Variants in ATXN7L2 observed in about 807,000 individuals in gnomAD.
ATXN7L2 encodes ataxin 7 like 2.
ATXN7L2 carries 17 observed loss-of-function variants against 59.6 expected under a neutral mutation model. The ratio of observed to expected loss-of-function variants is 0.29; its 90% confidence interval spans 0.20 to 0.43. The LOEUF is 0.43. Among genes scored for constraint, ATXN7L2 ranks in the 20% least tolerant of loss-of-function variants. The pLI is 1.00. For synonymous variants in ATXN7L2, 378 were observed against 392.5 expected, an observed-to-expected ratio of 0.96 and a Z score of 0.44; for missense variants, 858 against 1,008.9, an observed-to-expected ratio of 0.85 and a Z score of 2.03.
Position 109,491,935 on chromosome 1 carries a change from T to C in ATXN7L2, c.2250+218T>C, listed in dbSNP as rs1657113160. Reference sequence around the variant, plus strand: ...CTTCCCCTATCCCTAACCCTTTCCCTTGGGCTGAGGAGATGCGGCACCCCT... The same window carrying C: ...CTTCCCCTATCCCTAACCCTTTCCCCTGGGCTGAGGAGATGCGGCACCCCT... On this transcript the variant is annotated intron_variant, in intron 10 of 10. Coordinates refer to ENST00000683729, the MANE Select transcript of ATXN7L2 (RefSeq NM_001350175.2). The surrounding 1 kb of genome is among the most constrained non-coding windows in gnomAD (Gnocchi z 4.1). 6 of 1,232,882 alleles carry C rather than the reference T, an allele frequency of 4.9e-6. No homozygotes were observed. The highest frequency in any genetic ancestry group is 4.0e-4 in the Middle Eastern group (2 of 5,060). 76.4% of individuals were successfully genotyped at this position (1,232,882 alleles called of 1,614,324 possible). A position where few individuals can be genotyped will look rare whatever the true frequency, so the allele number is the denominator to read the frequency against.
intron 7 of ATXN7L2, chr1:109,489,325 A>G (rs921251225): frequency 1.7e-6 from 1 of 591,778 alleles, no homozygotes; most frequent in Non-Finnish European, 2.9e-6. Context: ...TGCCAGATCC[A>G]ACACTCAGGA....
chr1:109,485,791 G>C (rs1371170944), intron 1 of ATXN7L2: 22 of 1,145,580 alleles, frequency 1.9e-5, no homozygotes, highest in Admixed American at 4.7e-5. Context: ...ATTCTTCTTA[G>C]TGGGGCCATC....
chr1:109,487,135 A>G lies in ATXN7L2; in HGVS notation c.427A>G (p.Lys143Glu). 6.2e-7 allele frequency: 1 copy of G among 1,610,120 alleles called. No individual in the cohort carries two copies. The highest frequency in any genetic ancestry group is 8.5e-7 in the Non-Finnish European group (1 of 1,178,214). The change falls in exon 4 of 11, where the codon AAA (lysine) becomes GAA (glutamate). Residue 143 changes from lysine (K) to glutamate (E), a missense_variant. Lys to Glu is a moderately conservative substitution (Grantham distance 56). This residue lies in a region of ATXN7L2 where 734 missense variants were observed against 862.3 expected (regional missense o/e 0.85). Transcript: ENST00000683729. The stretch of plus-strand genomic sequence containing the variant: ...AGCTTGTAGGGCCCCAGGTTCCACG[A>G]AAACCTCCTCCAGGGAGAAGGGCCA... ...GPACRAPGSTKTSSREKGQGS... is the reference protein window; with the variant it reads ...GPACRAPGSTETSSREKGQGS...
chr1:109,491,596 A>C lies in ATXN7L2; in HGVS notation c.2129A>C (p.Tyr710Ser). Residue 710 changes from tyrosine (Y) to serine (S), a missense_variant, in exon 10 of 11, where the codon TAT (tyrosine) becomes TCT (serine). By Grantham distance (144) the Tyr-to-Ser change is moderately radical. Coordinates refer to ENST00000683729, the MANE Select transcript of ATXN7L2 (RefSeq NM_001350175.2). This position sits in a 1 kb window ranked among gnomAD's most constrained non-coding sequence, Gnocchi z 4.1. ...VAKKRKNLATYCRPVKAKHCQ... is the reference protein window; with the variant it reads ...VAKKRKNLATSCRPVKAKHCQ... Reference sequence around the variant, plus strand: ...AAGAAGCGGAAAAACCTGGCCACTTATTGCCGGCCAGTGAAGGCCAAGCAC... The same window carrying C: ...AAGAAGCGGAAAAACCTGGCCACTTCTTGCCGGCCAGTGAAGGCCAAGCAC... The C allele has an allele frequency of 6.2e-7, 1 of 1,613,790 alleles. No individual in the cohort carries two copies. Among genetic ancestry groups the C allele is most frequent in the South Asian group, 1.1e-5 (1 of 91,078 alleles).
Position 109,492,000 on chromosome 1 carries a change from C to T in ATXN7L2, c.2250+283C>T, listed in dbSNP as rs1046833874. 6.6e-6 allele frequency: 8 copies of T among 1,210,692 alleles called. No individual in the cohort carries two copies. Among genetic ancestry groups the T allele is most frequent in the Admixed American group, 4.0e-5 (1 of 25,214 alleles). 75.0% of individuals were successfully genotyped at this position (1,210,692 alleles called of 1,614,324 possible). ...GCTATAATCAAAGGGCTACTTCTTT[C>T]TGAATTGGCTGTGACCCTCATTCCA... On this transcript the variant is annotated intron_variant, in intron 10 of 10. Transcript: ENST00000683729. This position sits in a 1 kb window ranked among gnomAD's most constrained non-coding sequence, Gnocchi z 4.1.
intron 7 of ATXN7L2, 161 bp from the exon 8 acceptor site, chr1:109,489,769 T>A (rs894192983): frequency 5.5e-6 from 4 of 723,156 alleles, no homozygotes; most frequent in Non-Finnish European, 9.4e-6. Context: ...CTGTGAGCTG[T>A]GTCGTTCCCT....
In ATXN7L2 at chr1:109,491,161, C is replaced by T. The variant is rs775596757; in HGVS notation, c.1694C>T (p.Thr565Ile). The change falls in exon 10 of 11, where the codon ACC (threonine) becomes ATC (isoleucine). Residue 565 changes from threonine to isoleucine, a missense_variant. Physicochemically the swap from Thr to Ile is moderately conservative, Grantham distance 89. This residue lies in a region of ATXN7L2 where 734 missense variants were observed against 862.3 expected (regional missense o/e 0.85). Transcript: ENST00000683729. The surrounding 1 kb of genome is among the most constrained non-coding windows in gnomAD (Gnocchi z 4.1). ...AECMGGSQAI[T>I]SPLPANTPSP... ...TGCATGGGCGGGAGCCAGGCTATCA[C>T]CTCACCACTGCCTGCCAACACGCCA... The T allele has an allele frequency of 6.2e-7, 1 of 1,613,742 alleles. No individual in the cohort carries two copies. The highest frequency in any genetic ancestry group is 8.5e-7 in the Non-Finnish European group (1 of 1,179,962).
intron 1 of ATXN7L2, 26 bp downstream of exon 1, chr1:109,484,106 G>A: frequency 1.3e-6 from 2 of 1,481,662 alleles, no homozygotes; most frequent in East Asian, 2.7e-5. Flanking sequence ...CTAAAGTCCG[G>A]GGACCCCATC....
chr1:109,491,671 A>G lies in ATXN7L2; in HGVS notation c.2204A>G (p.Lys735Arg), dbSNP rs1356407278. 1.2e-6 allele frequency: 2 copies of G among 1,610,340 alleles called. No individual in the cohort carries two copies. Among genetic ancestry groups the G allele is most frequent in the East Asian group, 4.5e-5 (2 of 44,780 alleles). ...ADVACSVRRK[K>R]PGPALAFEEK... ...GTGGCCTGCTCTGTGCGCCGCAAGAAGCCAGGCCCGGCCCTGGCCTTTGAG... is the reference window on the plus strand; with the variant it reads ...GTGGCCTGCTCTGTGCGCCGCAAGAGGCCAGGCCCGGCCCTGGCCTTTGAG... Residue 735 changes from lysine (K) to arginine (R), a missense_variant, in exon 10 of 11, where the codon AAG becomes AGG. By Grantham distance (26) the Lys-to-Arg change is conservative. This residue lies in a region of ATXN7L2 where 734 missense variants were observed against 862.3 expected (regional missense o/e 0.85). Transcript: ENST00000683729. This position sits in a 1 kb window ranked among gnomAD's most constrained non-coding sequence, Gnocchi z 4.1.
In ATXN7L2 at chr1:109,492,705, T is replaced by A. The variant is rs1657198124; in HGVS notation, c.*105T>A. ...TTTATAACTTTATATTATTTTTTTT[T>A]AAGAAAAAAAGCTCTTTAAAATACC... On this transcript the variant is annotated 3_prime_UTR_variant, in exon 11 of 11. Coordinates refer to ENST00000683729, the MANE Select transcript of ATXN7L2 (RefSeq NM_001350175.2). 3.9e-6 allele frequency: 5 copies of A among 1,284,796 alleles called. No homozygotes were observed. Among genetic ancestry groups the A allele is most frequent in the South Asian group, 1.4e-5 (1 of 71,714 alleles). 79.6% of individuals were successfully genotyped at this position (1,284,796 alleles called of 1,614,324 possible).
chr1:109,486,548 A>C lies in ATXN7L2; in HGVS notation c.236A>C (p.Tyr79Ser). Residue 79 changes from tyrosine (Y) to serine (S), a missense_variant, in exon 3 of 11, where the codon TAC becomes TCC. Around this residue, in one of 3 missense-constraint regions of ATXN7L2, gnomAD observed 29 missense variants for 64.0 expected, o/e 0.45. Transcript: ENST00000683729. The surrounding 1 kb of genome is among the most constrained non-coding windows in gnomAD (Gnocchi z 4.3). ...FGHCPAHDDF[Y>S]LVVCNHCSQV... ...CACTGCCCTGCCCATGATGACTTCTACTTGGTTGTGTGTAACCACTGCAGC... is the reference window on the plus strand; with the variant it reads ...CACTGCCCTGCCCATGATGACTTCTCCTTGGTTGTGTGTAACCACTGCAGC... 1.2e-5 allele frequency: 19 copies of C among 1,614,148 alleles called. No individual in the cohort carries two copies. The highest frequency in any genetic ancestry group is 1.5e-5 in the Non-Finnish European group (18 of 1,179,996).
Position 109,488,541 on chromosome 1 carries a change from A to G in ATXN7L2, c.879+76A>G, listed in dbSNP as rs927227894. ...ACTCCTTCCCTGGGCAAAGAGAGGA[A>G]TGTCGATGTTACTGAAGGTCCAGCT... On this transcript the variant is annotated intron_variant, in intron 6 of 10. Transcript: ENST00000683729. The surrounding 1 kb of genome is among the most constrained non-coding windows in gnomAD (Gnocchi z 5.0). 9 of 1,453,196 alleles carry G rather than the reference A, an allele frequency of 6.2e-6. No individual in the cohort carries two copies. Among genetic ancestry groups the G allele is most frequent in the Non-Finnish European group, 8.5e-6 (9 of 1,054,514 alleles). 90.0% of individuals were successfully genotyped at this position (1,453,196 alleles called of 1,614,324 possible). A position where few individuals can be genotyped will look rare whatever the true frequency, so the allele number is the denominator to read the frequency against.
Position 109,492,703 on chromosome 1 carries a change from T to TTC in ATXN7L2, c.*104_*105insCT. 1 of 1,407,218 alleles carries TTC rather than the reference T, an allele frequency of 7.1e-7. No individual in the cohort carries two copies. The highest frequency in any genetic ancestry group is 9.7e-7 in the Non-Finnish European group (1 of 1,028,732). The allele number at this position is 1,407,218 out of a possible 1,614,324, so 87.2% of individuals were successfully genotyped here. A position where few individuals can be genotyped will look rare whatever the true frequency, so the allele number is the denominator to read the frequency against. ...TTTTTATAACTTTATATTATTTTTT[T>TTC]TTAAGAAAAAAAGCTCTTTAAAATA... On this transcript the variant is annotated 3_prime_UTR_variant, in exon 11 of 11. Coordinates refer to ENST00000683729, the MANE Select transcript of ATXN7L2 (RefSeq NM_001350175.2).
chr1:109,489,051 A>G lies in ATXN7L2; in HGVS notation c.1084A>G (p.Thr362Ala). Reference protein sequence around the residue: ...VVAAVAAPSSTFSVRAKQTYP... With the variant: ...VVAAVAAPSSAFSVRAKQTYP... ...AGCAGCGGTGGCTGCTCCCAGCAGCACCTTCTCTGTTCGTGCCAAGCAGAC... is the reference window on the plus strand; with the variant it reads ...AGCAGCGGTGGCTGCTCCCAGCAGCGCCTTCTCTGTTCGTGCCAAGCAGAC... Residue 362 changes from threonine (T) to alanine (A), a missense_variant, in exon 7 of 11, where the codon ACC becomes GCC. Thr to Ala is a moderately conservative substitution (Grantham distance 58, BLOSUM62 0). This residue lies in a region of ATXN7L2 where 734 missense variants were observed against 862.3 expected (regional missense o/e 0.85). Coordinates refer to ENST00000683729, the MANE Select transcript of ATXN7L2 (RefSeq NM_001350175.2). 6.2e-7 allele frequency: 1 copy of G among 1,614,104 alleles called. No homozygotes were observed. The highest frequency in any genetic ancestry group is 8.5e-7 in the Non-Finnish European group (1 of 1,179,990).
rs548718230 is a variant in ATXN7L2 at position 109,491,951 on chromosome 1, C to G, written c.2250+234C>G. 3 of 1,228,154 alleles carry G rather than the reference C, an allele frequency of 2.4e-6. No individual in the cohort carries two copies. The African/African-American group carries it at 4.5e-5, about 19-fold the overall frequency. The allele number at this position is 1,228,154 out of a possible 1,614,324, so 76.1% of individuals were successfully genotyped here. Reference sequence around the variant, plus strand: ...CCCTTTCCCTTGGGCTGAGGAGATGCGGCACCCCTCCACCCCTGCTTTTGC... The same window carrying G: ...CCCTTTCCCTTGGGCTGAGGAGATGGGGCACCCCTCCACCCCTGCTTTTGC... On this transcript the variant is annotated intron_variant, in intron 10 of 10. Transcript: ENST00000683729. The surrounding 1 kb of genome is among the most constrained non-coding windows in gnomAD (Gnocchi z 4.1).
intron 5 of ATXN7L2, 80 bp downstream of exon 5, chr1:109,487,884 A>G: frequency 1.4e-6 from 2 of 1,471,380 alleles, no homozygotes; most frequent in Non-Finnish European, 1.8e-6. Context: ...CTGGATGAGG[A>G]GGAGGTCAGG....
In ATXN7L2 at chr1:109,489,054, T is replaced by TGC; in HGVS notation, c.1087_1088insGC (p.Phe363CysfsTer92). Reference sequence around the variant, plus strand: ...AGCGGTGGCTGCTCCCAGCAGCACCTTCTCTGTTCGTGCCAAGCAGACCTA... The same window carrying TGC: ...AGCGGTGGCTGCTCCCAGCAGCACCTGCTCTCTGTTCGTGCCAAGCAGACCTA... On this transcript the variant is annotated frameshift_variant, in exon 7 of 11. Transcript: ENST00000683729. LOFTEE classifies it high-confidence loss of function. 6.2e-7 allele frequency: 1 copy of TGC among 1,614,134 alleles called. No homozygotes were observed. Among genetic ancestry groups the TGC allele is most frequent in the Non-Finnish European group, 8.5e-7 (1 of 1,180,004 alleles).
At position 109,491,359 on chromosome 1, in the gene ATXN7L2, G is replaced by A. The variant is rs1365524086; in HGVS notation, c.1892G>A (p.Arg631Lys). 6.2e-7 allele frequency: 1 copy of A among 1,614,260 alleles called. No homozygotes were observed. The highest frequency in any genetic ancestry group is 2.2e-5 in the East Asian group (1 of 44,888). ...PTGKGKPSGCRGLSAKTKTAL... is the reference protein window; with the variant it reads ...PTGKGKPSGCKGLSAKTKTAL... Reference sequence around the variant, plus strand: ...GGAAAAGGGAAACCCTCTGGCTGTAGGGGCCTCTCGGCCAAAACTAAAACA... The same window carrying A: ...GGAAAAGGGAAACCCTCTGGCTGTAAGGGCCTCTCGGCCAAAACTAAAACA... Residue 631 changes from arginine (R) to lysine (K), a missense_variant, in exon 10 of 11, where the codon AGG becomes AAG. By Grantham distance (26) the Arg-to-Lys change is conservative (BLOSUM62 2). Coordinates refer to ENST00000683729, the MANE Select transcript of ATXN7L2 (RefSeq NM_001350175.2). This position sits in a 1 kb window ranked among gnomAD's most constrained non-coding sequence, Gnocchi z 4.1.
chr1:109,491,753 G>A lies in ATXN7L2; in HGVS notation c.2250+36G>A. ...GGCTCCCTGAAGATTGATGAGGGTGGGGCACACAGGGGGTACCTGATACAG... is the reference window on the plus strand; with the variant it reads ...GGCTCCCTGAAGATTGATGAGGGTGAGGCACACAGGGGGTACCTGATACAG... On this transcript the variant is annotated intron_variant, in intron 10 of 10. Transcript: ENST00000683729. The surrounding 1 kb of genome is among the most constrained non-coding windows in gnomAD (Gnocchi z 4.1). 6.5e-7 allele frequency: 1 copy of A among 1,527,006 alleles called. No homozygotes were observed. Among genetic ancestry groups the A allele is most frequent in the Non-Finnish European group, 8.8e-7 (1 of 1,133,784 alleles). 94.6% of individuals were successfully genotyped at this position (1,527,006 alleles called of 1,614,324 possible).
Sources: allele counts gnomAD v4.1 joint callset, GRCh38; gene constraint gnomAD v4.1.1; regional missense constraint gnomAD v4.1.1; non-coding constraint Gnocchi (gnomAD v3.1); transcripts MANE v1.5; gene names NCBI Gene and HGNC (gene_info 2026-07-23, HGNC 2026-07-21).